HDHD2: variants seen among roughly 807,000 people sequenced by gnomAD.
HDHD2 encodes haloacid dehalogenase-like hydrolase domain-containing protein 2.
A neutral mutation model predicts 24.8 loss-of-function variants in HDHD2; 26 were observed. The observed-to-expected ratio is 1.05, with a 90% CI of 0.77 to 1.45. The LOEUF (loss-of-function observed/expected upper bound fraction) is 1.45. Among genes scored for constraint, HDHD2 ranks in the 40% most tolerant of loss-of-function variants. The pLI, the probability that HDHD2 is intolerant of heterozygous loss-of-function variation, is 0.00. For synonymous variants in HDHD2, 128 were observed against 114.9 expected (o/e 1.11, Z -0.73); for missense variants, 299 against 313.4 (o/e 0.95, Z 0.35).
Position 47,111,434 on chromosome 18 carries a change from T to C in HDHD2, c.676+1543A>G, listed in dbSNP as rs569731132. 2.5e-5 allele frequency: 24 copies of C among 974,506 alleles called. No homozygotes were observed. In the African/African-American group the frequency reaches 4.0e-4, roughly 16 times the overall value. The allele number at this position is 974,506 out of a possible 1,614,324, so 60.4% of individuals were successfully genotyped here. On this transcript the variant is annotated intron_variant, in intron 6 of 6. Transcript: ENST00000300605. ...TGGGAATAATACACAAGAGCAAAAA[T>C]AGTTATCTAAGGATTTCTTCAATAA... is the stretch of plus-strand genomic sequence containing the variant.
At chr18:47,143,615 G>C (rs1356309257) in intron 1 of HDHD2, among the ~76,000 whole-genome samples, 1 of 152,090 alleles carries the variant, frequency 6.6e-6, no homozygotes, top group Non-Finnish European at 1.5e-5. Flanking sequence ...AACGTTTTGG[G>C]ATTTTTCTCT....
At chr18:47,134,475 A>C (rs756842338) in intron 3 of HDHD2, 21 bp downstream of exon 3, 4 of 1,565,434 alleles carry the variant, frequency 2.6e-6, no homozygotes, top group Admixed American at 3.4e-5. Flanking sequence ...CCAATCTTTA[A>C]ATTTTCCAAA....
At chr18:47,138,893 T>G (rs978442568) in intron 1 of HDHD2, among the ~76,000 whole-genome samples, 1 of 152,140 alleles carries the variant, frequency 6.6e-6, no homozygotes, top group Admixed American at 6.5e-5. Flanking sequence ...CTTACTGGGT[T>G]TAGATCATAC....
intron 1 of HDHD2, among the ~76,000 whole-genome samples, chr18:47,140,842 G>GA (rs11388063): frequency 0.56 from 85,187 of 151,878 alleles, 24,009 homozygotes; most frequent in Middle Eastern, 0.61. Flanking sequence ...TCTAAAATAA[G>GA]AAAAATAGAA....
intron 4 of HDHD2, among the ~76,000 whole-genome samples, chr18:47,126,940 G>A (rs1879927883): frequency 6.6e-6 from 1 of 152,164 alleles, no homozygotes; most frequent in African/African-American, 2.4e-5. Context: ...TGAGGCGGGT[G>A]GATCACGACG....
intron 3 of HDHD2, among the ~76,000 whole-genome samples, chr18:47,131,726 T>G (rs2063715404): frequency 6.6e-6 from 1 of 152,224 alleles, no homozygotes; most frequent in Admixed American, 6.5e-5. Flanking sequence ...TACTTTGCTT[T>G]TTCCTATATA....
At chr18:47,127,250 A>C (rs1189001691) in intron 4 of HDHD2, among the ~76,000 whole-genome samples, 2 of 152,208 alleles carry the variant, frequency 1.3e-5, no homozygotes, top group Admixed American at 1.3e-4. Flanking sequence ...TGTAGGAATT[A>C]AATAGGTTTT....
At chr18:47,122,962 A>T (rs1284546563) in intron 4 of HDHD2, among the ~76,000 whole-genome samples, 1 of 152,214 alleles carries the variant, frequency 6.6e-6, no homozygotes, top group African/African-American at 2.4e-5. Context: ...AAATACTCAA[A>T]GTGGTAAAAT....
Position 47,130,284 on chromosome 18 carries a change from G to C in HDHD2, c.355C>G (p.Pro119Ala), listed in dbSNP as rs894334127. 6.2e-6 allele frequency: 10 copies of C among 1,608,428 alleles called. No homozygotes were observed. The highest frequency in any genetic ancestry group is 8.5e-6 in the Non-Finnish European group (10 of 1,176,688). Reference protein sequence around the residue: ...DPNAVVMGLAPEHFHYQILNQ... With the variant: ...DPNAVVMGLAAEHFHYQILNQ... ...AGAATTTGATAATGAAAATGTTCTG[G>C]TGCCAATCCCATGACCACAGCATTA... The change falls in exon 4 of 7, where the codon CCA becomes GCA. Residue 119 changes from proline (P) to alanine (A), a missense_variant. Pro to Ala is a conservative substitution (Grantham distance 27). Coordinates refer to ENST00000300605, the MANE Select transcript of HDHD2 (RefSeq NM_032124.5).
At chr18:47,149,674 G>A (rs2063910220) in intron 1 of HDHD2, among the ~76,000 whole-genome samples, 1 of 152,012 alleles carries the variant, frequency 6.6e-6, no homozygotes, top group Non-Finnish European at 1.5e-5. Flanking sequence ...AATCCCTTTA[G>A]CCCTCAGTCT....
chr18:47,123,445 A>C (rs1395317954), intron 4 of HDHD2, among the ~76,000 whole-genome samples: 2 of 152,096 alleles, frequency 1.3e-5, no homozygotes, highest in Non-Finnish European at 1.5e-5. Context: ...AGAATTAGCC[A>C]GGCATGGTGG....
intron 4 of HDHD2, among the ~76,000 whole-genome samples, chr18:47,116,059 A>C (rs2063556074): frequency 6.6e-6 from 1 of 152,144 alleles, no homozygotes; most frequent in African/African-American, 2.4e-5. Flanking sequence ...TATTTTGACA[A>C]GCAAATTCTA....
chr18:47,128,580 C>A (rs1001761179), intron 4 of HDHD2, among the ~76,000 whole-genome samples: 1 of 152,196 alleles, frequency 6.6e-6, no homozygotes, highest in Non-Finnish European at 1.5e-5. Context: ...TCCAAGTGAT[C>A]TGACGTTAAC....
intron 4 of HDHD2, among the ~76,000 whole-genome samples, chr18:47,122,667 A>G (rs1459169304): frequency 1.3e-5 from 2 of 152,182 alleles, no homozygotes; most frequent in Non-Finnish European, 2.9e-5. Context: ...TCCCACTAAC[A>G]TTTAATTAAT....
chr18:47,137,715 C>A (rs918460926), intron 1 of HDHD2, among the ~76,000 whole-genome samples: 1 of 152,042 alleles, frequency 6.6e-6, no homozygotes, highest in African/African-American at 2.4e-5. Flanking sequence ...TAATGTTTTT[C>A]ATTTATCAAT....
intron 1 of HDHD2, among the ~76,000 whole-genome samples, chr18:47,138,314 A>T (rs548496751): frequency 6.6e-6 from 1 of 152,132 alleles, no homozygotes; most frequent in African/African-American, 2.4e-5. Context: ...AGACAACATC[A>T]CCTGTGCAGG....
At chr18:47,121,860 C>T (rs1191784347) in intron 4 of HDHD2, among the ~76,000 whole-genome samples, 1 of 152,310 alleles carries the variant, frequency 6.6e-6, no homozygotes, top group Non-Finnish European at 1.5e-5. Context: ...AATGGTTCCC[C>T]ATACTTTTCA....
At chr18:47,124,328 C>G (rs919507279) in intron 4 of HDHD2, among the ~76,000 whole-genome samples, 3 of 152,136 alleles carry the variant, frequency 2.0e-5, no homozygotes, top group Non-Finnish European at 4.4e-5. Context: ...TCTTCTCATA[C>G]TATTAAGAGA....
intron 4 of HDHD2, among the ~76,000 whole-genome samples, chr18:47,129,957 G>C (rs1341834733): frequency 1.3e-5 from 2 of 152,078 alleles, no homozygotes; most frequent in Non-Finnish European, 2.9e-5. Context: ...GTCTGAGCCT[G>C]GGGAGATCGA....
Sources: gnomAD v4.1 joint callset for allele counts (sites outside exome capture counted in the v4.1 genomes callset) on GRCh38, gnomAD v4.1.1 for gene constraint, MANE v1.5 for transcripts, NCBI Gene and HGNC (gene_info 2026-07-23, HGNC 2026-07-21) for gene names.